Variants in TXNRD2 observed in about 807,000 individuals in gnomAD.
TXNRD2 encodes the protein thioredoxin reductase 2.
Under a neutral mutation model 70.8 loss-of-function variants are expected in TXNRD2, and 67 were observed. The observed-to-expected ratio is 0.95, with a 90% CI of 0.78 to 1.16. TXNRD2 has a LOEUF of 1.16. Ranked by LOEUF, TXNRD2 falls within the 50% of genes most tolerant of loss-of-function variation. The pLI, the probability that TXNRD2 is intolerant of heterozygous loss-of-function variation, is 0.00. For missense variants in TXNRD2, 644 were observed against 719.9 expected, an observed-to-expected ratio of 0.89 and a Z score of 1.21; for synonymous variants, 301 against 295.8, an observed-to-expected ratio of 1.02 and a Z score of -0.18.
chr22:19,912,109 C>T (rs1265303661), intron 7 of TXNRD2, among the ~76,000 whole-genome samples: 1 of 152,106 alleles, frequency 6.6e-6, no homozygotes, highest in Non-Finnish European at 1.5e-5. Context: ...GGGCTCTGAG[C>T]CCAGAAATCA....
In TXNRD2 at chr22:19,898,020, C is replaced by G. The variant is rs1372642899; in HGVS notation, c.774+19G>C. 1 of 1,547,936 alleles carries G rather than the reference C, an allele frequency of 6.5e-7. No homozygotes were observed. Among genetic ancestry groups the G allele is most frequent in the Non-Finnish European group, 8.7e-7 (1 of 1,146,644 alleles). On this transcript the variant is annotated intron_variant, in intron 10 of 17. Transcript: ENST00000400521. ...GGCCTCAGAGCCACAGGGGCGGGAG[C>G]TGGGGCCTCCAGCACTACCTGGTCG...
intron 2 of TXNRD2, among the ~76,000 whole-genome samples, chr22:19,923,332 T>G (rs1940988462): frequency 6.6e-6 from 1 of 152,184 alleles, no homozygotes; most frequent in African/African-American, 2.4e-5. Flanking sequence ...TTTAGGTCAC[T>G]TCTCTCCAAA....
intron 11 of TXNRD2, chr22:19,891,362 T>C (rs1939255889): frequency 6.6e-6 from 1 of 152,198 alleles, no homozygotes; most frequent in African/African-American, 2.4e-5. Flanking sequence ...AGGACTCCTG[T>C]GGTGCAGGGA....
At chr22:19,886,194 G>C (rs896655737) in intron 11 of TXNRD2, among the ~76,000 whole-genome samples, 3 of 152,252 alleles carry the variant, frequency 2.0e-5, no homozygotes, top group Non-Finnish European at 4.4e-5. Flanking sequence ...CGAGGGCACA[G>C]TGGGGTTAGA....
chr22:19,883,394 C>T lies in TXNRD2; in HGVS notation c.1017G>A (p.Gln339=), dbSNP rs752011443. 6.2e-7 allele frequency: 1 copy of T among 1,614,080 alleles called. No homozygotes were observed. The highest frequency in any genetic ancestry group is 1.1e-5 in the South Asian group (1 of 91,090). The change falls in exon 12 of 18, where the codon CAG becomes CAA. Residue 339 remains glutamine, a synonymous_variant. Coordinates refer to ENST00000400521, the MANE Select transcript of TXNRD2 (RefSeq NM_006440.5). Reference sequence around the variant, plus strand: ...CTTCCCGGGAGTCCACCAGGATCTTCTGAGTGTCGGGGCTAGTATCTACCC... The same window carrying T: ...CTTCCCGGGAGTCCACCAGGATCTTTTGAGTGTCGGGGCTAGTATCTACCC... ...KAGVDTSPDT[Q]KILVDSREAT...
intron 2 of TXNRD2, among the ~76,000 whole-genome samples, chr22:19,925,853 G>C (rs1477821230): frequency 3.3e-5 from 5 of 150,402 alleles, no homozygotes; most frequent in African/African-American, 1.2e-4. Context: ...TAAAACTTTT[G>C]TGGCACAAAG....
At chr22:19,927,353 G>A (rs536627332) in intron 2 of TXNRD2, among the ~76,000 whole-genome samples, 3 of 151,846 alleles carry the variant, frequency 2.0e-5, no homozygotes, top group Admixed American at 1.3e-4. Context: ...AACCAAACTC[G>A]GATTGGAAAT....
chr22:19,921,808 A>T (rs1186639655), intron 2 of TXNRD2, among the ~76,000 whole-genome samples: 2 of 152,094 alleles, frequency 1.3e-5, no homozygotes, highest in Non-Finnish European at 2.9e-5. Flanking sequence ...AGACAGAACC[A>T]CCTGGAAGGA....
At chr22:19,937,089 G>C (rs9606189) in intron 1 of TXNRD2, among the ~76,000 whole-genome samples, 31,933 of 152,106 alleles carry the variant, frequency 0.21, 4,002 homozygotes, top group Middle Eastern at 0.34. Flanking sequence ...TATAGACTGC[G>C]ACCTTTTGGC....
Position 19,878,185 on chromosome 22 carries a change from C to T in TXNRD2, c.1350G>A (p.Met450Ile). 1 of 1,612,836 alleles carries T rather than the reference C, an allele frequency of 6.2e-7. No homozygotes were observed. Among genetic ancestry groups the T allele is most frequent in the Non-Finnish European group, 8.5e-7 (1 of 1,179,874 alleles). The change falls in exon 16 of 18, where the codon ATG (methionine) becomes ATA (isoleucine). Residue 450 changes from methionine to isoleucine, a missense_variant and splice_region_variant. This residue lies in a region of TXNRD2 where 566 missense variants were observed against 645.0 expected (regional missense o/e 0.88). Transcript: ENST00000400521. ...GCTGTGGGGGCTCCCTCAGGCACAC[C>T]ATCTGAAAGCCGCACATCTCAGCCA... ...GRDASQCYVK[M>I]VCLREPPQLV...
At chr22:19,880,353 G>C in intron 13 of TXNRD2, 82 bp from the exon 14 acceptor site, 1 of 1,415,866 alleles carries the variant, frequency 7.1e-7, no homozygotes, top group Non-Finnish European at 9.8e-7. Flanking sequence ...AAAGAGCAGC[G>C]ATCACAGACC....
chr22:19,941,790 G>A lies in TXNRD2; in HGVS notation c.14C>T (p.Ala5Val), dbSNP rs775392322. 1.1e-5 allele frequency: 17 copies of A among 1,532,582 alleles called. No homozygotes were observed. The highest frequency in any genetic ancestry group is 2.6e-5 in the East Asian group (1 of 38,074). 94.9% of individuals were successfully genotyped at this position (1,532,582 alleles called of 1,614,324 possible). A position where few individuals can be genotyped will look rare whatever the true frequency, so the allele number is the denominator to read the frequency against. MAAMAVALRGLGGRF... is the reference protein window; with the variant it reads MAAMVVALRGLGGRF... Reference sequence around the variant, plus strand: ...CCCTCCTAATCCCCGCAGCGCCACCGCCATTGCCGCCATCGTCGTGGGGCT... The same window carrying A: ...CCCTCCTAATCCCCGCAGCGCCACCACCATTGCCGCCATCGTCGTGGGGCT... Residue 5 changes from alanine (A) to valine (V), a missense_variant, in exon 1 of 18, where the codon GCG (alanine) becomes GTG (valine). Transcript: ENST00000400521.
chr22:19,896,251 T>C (rs1939501775), intron 10 of TXNRD2, among the ~76,000 whole-genome samples: 1 of 151,768 alleles, frequency 6.6e-6, no homozygotes, highest in South Asian at 2.1e-4. Flanking sequence ...TGAGCCGAGA[T>C]TGTGCCACTG....
intron 5 of TXNRD2, 73 bp from the exon 6 acceptor site, chr22:19,915,916 C>T: frequency 7.1e-7 from 1 of 1,405,298 alleles, no homozygotes; most frequent in Non-Finnish European, 9.9e-7. Flanking sequence ...CAATAGGGAA[C>T]ACTGGTAAAA....
At chr22:19,923,839 T>C (rs1456695937) in intron 2 of TXNRD2, among the ~76,000 whole-genome samples, 4 of 126,596 alleles carry the variant, frequency 3.2e-5, no homozygotes, top group African/African-American at 1.2e-4. Flanking sequence ...CTGAAACCCC[T>C]GAGGCTTTTT....
Position 19,910,414 on chromosome 22 carries a change from C to G in TXNRD2, c.662+963G>C, listed in dbSNP as rs55987514. On this transcript the variant is annotated intron_variant, in intron 8 of 17. Transcript: ENST00000400521. ...GCTGGGATAGGGATTGCTGGCTCTC[C>G]CCTCCTTAATGTTCTCCCTGATGTC... Among the ~76,000 whole-genome samples, 627 of 152,274 alleles carry G rather than the reference C, an allele frequency of 4.1e-3. 3 individuals carry two copies. The highest frequency in any genetic ancestry group is 6.7e-3 in the Non-Finnish European group (459 of 68,010).
At chr22:19,923,132 C>T (rs1940980601) in intron 2 of TXNRD2, among the ~76,000 whole-genome samples, 1 of 152,164 alleles carries the variant, frequency 6.6e-6, no homozygotes, top group African/African-American at 2.4e-5. Context: ...ATTTTGGGAA[C>T]TCTCCCAATA....
At chr22:19,884,998 C>T (rs1938959410) in intron 11 of TXNRD2, among the ~76,000 whole-genome samples, 1 of 152,164 alleles carries the variant, frequency 6.6e-6, no homozygotes, top group African/African-American at 2.4e-5. Context: ...TGATCCTGCT[C>T]TTGGGTGCAA....
intron 2 of TXNRD2, among the ~76,000 whole-genome samples, chr22:19,921,766 G>A (rs1036592171): frequency 6.6e-5 from 10 of 152,154 alleles, no homozygotes; most frequent in East Asian, 1.9e-4. Context: ...AGATCTGATC[G>A]GCGCATGTGT....
Sources: gnomAD v4.1 joint callset for allele counts (sites outside exome capture counted in the v4.1 genomes callset) on GRCh38, gnomAD v4.1.1 for gene constraint, gnomAD v4.1.1 regional missense constraint, MANE v1.5 for transcripts, NCBI Gene and HGNC (gene_info 2026-07-23, HGNC 2026-07-21) for gene names.